The following SLC35F1 variants were observed in gnomAD, a reference collection of about 807,000 sequenced individuals.
SLC35F1 encodes solute carrier family 35 member F1, also known as chromosome 6 open reading frame 169.
A neutral mutation model predicts 48.7 loss-of-function variants in SLC35F1; 14 were observed. The observed-to-expected ratio is 0.29, with a 90% confidence interval of 0.19 to 0.45. SLC35F1 has a LOEUF of 0.45. SLC35F1 is among the 20% of genes least tolerant of loss of function. The pLI is 1.00. For missense variants in SLC35F1, 404 were observed against 500.0 expected (o/e 0.81, Z 1.83); for synonymous variants, 190 against 202.2 (o/e 0.94, Z 0.51).
At chr6:118,245,755 G>A (rs1775499263) in intron 3 of SLC35F1, among the ~76,000 whole-genome samples, 1 of 152,154 alleles carries the variant, frequency 6.6e-6, no homozygotes, top group African/African-American at 2.4e-5. Flanking sequence ...GACCTTTAGT[G>A]CTCTGCTAAG....
chr6:117,908,538 T>C lies in SLC35F1; in HGVS notation c.173+639T>C, dbSNP rs138099805. Among the ~76,000 whole-genome samples the C allele has an allele frequency of 5.7e-3, 872 of 152,062 alleles. 10 individuals carry two copies. The highest frequency in any genetic ancestry group is 0.02 in the African/African-American group (834 of 41,468). On this transcript the variant is annotated intron_variant, in intron 1 of 7. Coordinates refer to ENST00000360388, the MANE Select transcript of SLC35F1 (RefSeq NM_001029858.4). ...AAAGTGCAAAACATTGCGGGCAGGG[T>C]GTGAGCCGGCGGCGCCCAGTTATTC... is the stretch of plus-strand genomic sequence containing the variant.
At chr6:118,205,199 G>C (rs149981130) in intron 2 of SLC35F1, among the ~76,000 whole-genome samples, 1 of 152,194 alleles carries the variant, frequency 6.6e-6, no homozygotes, top group Non-Finnish European at 1.5e-5. Context: ...TTTTAGGGTA[G>C]AGTGTTAGCT....
chr6:118,149,999 A>G (rs560533155), intron 1 of SLC35F1, among the ~76,000 whole-genome samples: 7 of 152,294 alleles, frequency 4.6e-5, no homozygotes, highest in African/African-American at 1.7e-4. Context: ...CCAAAATAGT[A>G]GTATAGCATA....
At chr6:118,064,965 C>A (rs1444457600) in intron 1 of SLC35F1, among the ~76,000 whole-genome samples, 1 of 152,134 alleles carries the variant, frequency 6.6e-6, no homozygotes, top group Non-Finnish European at 1.5e-5. Flanking sequence ...AGGGAAAAAT[C>A]CTACAGCTAA....
At chr6:118,205,362 G>T (rs1279418725) in intron 2 of SLC35F1, among the ~76,000 whole-genome samples, 18 of 152,144 alleles carry the variant, frequency 1.2e-4, no homozygotes. Context: ...TGGCCACTAC[G>T]CACATCTATA....
chr6:118,035,536 C>T (rs992134401), intron 1 of SLC35F1, among the ~76,000 whole-genome samples: 27 of 151,002 alleles, frequency 1.8e-4, no homozygotes, highest in African/African-American at 5.1e-4. Context: ...ATTGCTTGAA[C>T]CTGGGAGGCA....
chr6:118,061,838 G>T (rs745744270), intron 1 of SLC35F1, among the ~76,000 whole-genome samples: 4 of 151,942 alleles, frequency 2.6e-5, no homozygotes, highest in Non-Finnish European at 5.9e-5. Context: ...CTTCGCATGC[G>T]CAGTTCACAA....
At chr6:118,245,856 T>TCCCAAAAAA (rs1775501171) in intron 3 of SLC35F1, among the ~76,000 whole-genome samples, 1 of 152,206 alleles carries the variant, frequency 6.6e-6, no homozygotes, top group South Asian at 2.1e-4. Context: ...TTTTTTGGTT[T>TCCCAAAAAA]GCCTTCAAAC....
intron 1 of SLC35F1, among the ~76,000 whole-genome samples, chr6:117,994,991 C>T (rs575079380): frequency 2.0e-5 from 3 of 152,312 alleles, no homozygotes; most frequent in South Asian, 4.1e-4. Flanking sequence ...CATATCAGCA[C>T]TCCTTGAATT....
At chr6:118,135,409 C>G (rs1310845880) in intron 1 of SLC35F1, among the ~76,000 whole-genome samples, 1 of 152,164 alleles carries the variant, frequency 6.6e-6, no homozygotes, top group Non-Finnish European at 1.5e-5. Context: ...AACAGAAACA[C>G]AGTTTATGTT....
chr6:118,156,652 G>A (rs1582699885), intron 2 of SLC35F1, among the ~76,000 whole-genome samples: 1 of 93,276 alleles, frequency 1.1e-5, no homozygotes, highest in South Asian at 3.7e-4. Context: ...ATGTACCCTA[G>A]AACTGAAAGT....
intron 1 of SLC35F1, among the ~76,000 whole-genome samples, chr6:118,127,178 T>G (rs1773639086): frequency 6.6e-6 from 1 of 151,224 alleles, no homozygotes; most frequent in Non-Finnish European, 1.5e-5. Flanking sequence ...TTATTGAGAG[T>G]TTTTAGCATG....
At chr6:117,924,384 T>C (rs1392668353) in intron 1 of SLC35F1, among the ~76,000 whole-genome samples, 1 of 129,998 alleles carries the variant, frequency 7.7e-6, no homozygotes, top group Non-Finnish European at 1.7e-5. Flanking sequence ...CATGCATATG[T>C]ATATACACAC....
At chr6:118,062,735 C>A (rs1002029529) in intron 1 of SLC35F1, among the ~76,000 whole-genome samples, 1 of 151,146 alleles carries the variant, frequency 6.6e-6, no homozygotes, top group East Asian at 1.9e-4. Context: ...TGAAAAAAAC[C>A]CTTGTCTTAT....
intron 1 of SLC35F1, among the ~76,000 whole-genome samples, chr6:118,098,371 T>C (rs566550027): frequency 6.8e-4 from 104 of 152,298 alleles, no homozygotes; most frequent in Middle Eastern, 6.8e-3. Context: ...CAGTGCTGTC[T>C]TCACTATCCC....
chr6:117,939,875 G>A (rs766593900), intron 1 of SLC35F1, among the ~76,000 whole-genome samples: 18 of 152,274 alleles, frequency 1.2e-4, no homozygotes, highest in Admixed American at 2.6e-4. Context: ...GGGTCAGAGC[G>A]GTGGAGGGTC....
intron 1 of SLC35F1, among the ~76,000 whole-genome samples, chr6:118,032,616 A>G (rs1201629703): frequency 6.6e-6 from 1 of 152,188 alleles, no homozygotes; most frequent in South Asian, 2.1e-4. Context: ...TTCTCTTCCA[A>G]CTTGATTTAA....
chr6:118,293,176 G>A (rs1166875961), intron 7 of SLC35F1, among the ~76,000 whole-genome samples: 1 of 152,158 alleles, frequency 6.6e-6, no homozygotes, highest in Non-Finnish European at 1.5e-5. Context: ...TCCTATTGCT[G>A]CTGTAACAAA....
chr6:118,002,325 A>G (rs1217061864), intron 1 of SLC35F1, among the ~76,000 whole-genome samples: 1 of 152,170 alleles, frequency 6.6e-6, no homozygotes, highest in African/African-American at 2.4e-5. Context: ...ATTGGAAATC[A>G]TCATTCTCAG....
Sources: gnomAD v4.1 joint callset for allele counts (sites outside exome capture counted in the v4.1 genomes callset) on GRCh38, gnomAD v4.1.1 for gene constraint, MANE v1.5 for transcripts, NCBI Gene and HGNC (gene_info 2026-07-23, HGNC 2026-07-21) for gene names.